The following OR10G8 variants were observed in gnomAD, a reference collection of about 807,000 sequenced individuals.
The protein encoded by OR10G8 is olfactory receptor family 10 subfamily G member 8.
For synonymous variants in OR10G8, 173 were observed against 163.2 expected (o/e 1.06, Z -0.46); for missense variants, 386 against 384.9 (o/e 1.00, Z -0.02).
Position 124,030,213 on chromosome 11 carries a change from C to G in OR10G8, c.591C>G (p.Val197=), listed in dbSNP as rs1469704639. 6.2e-7 allele frequency: 1 copy of G among 1,614,178 alleles called. No individual in the cohort carries two copies. The highest frequency in any genetic ancestry group is 1.7e-5 in the Admixed American group (1 of 60,030). Reference sequence around the variant, plus strand: ...CAGACACCTCAGCCATAGAGACTGTCATTTTTGTGACTGTTGGAATAGTGG... The same window carrying G: ...CAGACACCTCAGCCATAGAGACTGTGATTTTTGTGACTGTTGGAATAGTGG... ...ACADTSAIET[V]IFVTVGIVAS... The change falls in exon 2 of 2, where the codon GTC becomes GTG. Residue 197 remains valine (V), a synonymous_variant. Coordinates refer to ENST00000641224, the MANE Select transcript of OR10G8 (RefSeq NM_001004464.2).
In OR10G8 at chr11:124,029,794, T is replaced by C. The variant is rs1344113844; in HGVS notation, c.172T>C (p.Tyr58His). Residue 58 changes from tyrosine (Y) to histidine (H), a missense_variant, in exon 2 of 2, where the codon TAC becomes CAC. Coordinates refer to ENST00000641224, the MANE Select transcript of OR10G8 (RefSeq NM_001004464.2). The part of the protein sequence containing the change: ...RVDSHLHTTM[Y>H]YFLTNLSFID... ...GGATTCTCACCTCCACACCACCATG[T>C]ACTACTTCCTCACCAACCTGTCGTT... 1 of 1,614,128 alleles carries C rather than the reference T, an allele frequency of 6.2e-7. No individual in the cohort carries two copies. Among genetic ancestry groups the C allele is most frequent in the South Asian group, 1.1e-5 (1 of 91,082 alleles).
chr11:124,027,606 C>T, intron 1 of OR10G8, among the ~76,000 whole-genome samples: 1 of 152,138 alleles, frequency 6.6e-6, no homozygotes, highest in Non-Finnish European at 1.5e-5. Flanking sequence ...GGGAATTGTT[C>T]CTCCTGGTGC....
chr11:124,028,484 G>T lies in OR10G8; in HGVS notation c.-27-1112G>T, dbSNP rs549993983. On this transcript the variant is annotated intron_variant, in intron 1 of 1. Transcript: ENST00000641224. ...AAGACCTAGCTCTTAGATTCAGAAG[G>T]ACTCTCTGAAAACACTGAAAGAATA... Among the ~76,000 whole-genome samples the T allele has an allele frequency of 4.6e-5, 7 of 152,238 alleles. No homozygotes were observed. In the South Asian group the frequency reaches 1.5e-3, roughly 32 times the overall value.
chr11:124,029,901 C>T lies in OR10G8; in HGVS notation c.279C>T (p.Phe93=). ...LVFPSGRAIS[F]HSCMAQLYFF... is the part of the protein sequence containing the mutation. ...TCCCAAGTGGCAGGGCTATCTCCTT[C>T]CACAGCTGCATGGCTCAGCTCTATT... Residue 93 remains phenylalanine (F), a synonymous_variant, in exon 2 of 2, where the codon TTC becomes TTT. Transcript: ENST00000641224. The T allele has an allele frequency of 1.2e-6, 2 of 1,614,174 alleles. No homozygotes were observed. Among genetic ancestry groups the T allele is most frequent in the South Asian group, 2.2e-5 (2 of 91,078 alleles).
chr11:124,027,882 A>G (rs1864120111), intron 1 of OR10G8, among the ~76,000 whole-genome samples: 1 of 152,148 alleles, frequency 6.6e-6, no homozygotes, highest in African/African-American at 2.4e-5. Context: ...TTTTGTATTA[A>G]TATTAATATT....
Position 124,029,970 on chromosome 11 carries a change from C to A in OR10G8, c.348C>A (p.Val116=), listed in dbSNP as rs375057646. ...LGGTECFLYR[V]MSCDRYLAIS... is the part of the protein sequence containing the mutation. ...GCACCGAGTGTTTCCTCTACAGGGT[C>A]ATGTCCTGTGATCGCTACCTGGCCA... The change falls in exon 2 of 2, where the codon GTC becomes GTA. Residue 116 remains valine, a synonymous_variant. Coordinates refer to ENST00000641224, the MANE Select transcript of OR10G8 (RefSeq NM_001004464.2). The A allele has an allele frequency of 6.8e-6, 11 of 1,613,974 alleles. No homozygotes were observed. In the African/African-American group the frequency reaches 1.3e-4, roughly 20 times the overall value.
At position 124,029,792 on chromosome 11, in the gene OR10G8, T is replaced by A. The variant is rs779425005; in HGVS notation, c.170T>A (p.Met57Lys). 1 of 1,614,128 alleles carries A rather than the reference T, an allele frequency of 6.2e-7. No individual in the cohort carries two copies. Among genetic ancestry groups the A allele is most frequent in the East Asian group, 2.2e-5 (1 of 44,868 alleles). ...GTGGATTCTCACCTCCACACCACCA[T>A]GTACTACTTCCTCACCAACCTGTCG... The part of the protein sequence containing the change: ...IRVDSHLHTT[M>K]YYFLTNLSFI... The change falls in exon 2 of 2, where the codon ATG becomes AAG. Residue 57 changes from methionine to lysine, a missense_variant. Coordinates refer to ENST00000641224, the MANE Select transcript of OR10G8 (RefSeq NM_001004464.2).
rs554325908 is a variant in OR10G8, at chr11:124,029,613, G to A, written c.-10G>A. 10 of 1,611,304 alleles carry A rather than the reference G, an allele frequency of 6.2e-6. No homozygotes were observed. Among genetic ancestry groups the A allele is most frequent in the Middle Eastern group, 1.7e-4 (1 of 6,046 alleles). On this transcript the variant is annotated 5_prime_UTR_variant, in exon 2 of 2. It adds an upstream start codon to the 5' untranslated region. Transcript: ENST00000641224. The stretch of plus-strand genomic sequence containing the variant: ...ATTCCCAGAGGGAGAGAGACCAAGG[G>A]TGAGAAGAAATGTCCAACGCCAGCC...
intron 1 of OR10G8, among the ~76,000 whole-genome samples, chr11:124,027,370 T>G (rs12420353): frequency 0.042 from 6,450 of 152,310 alleles, 321 homozygotes; most frequent in East Asian, 0.14. Flanking sequence ...AGATATTCGA[T>G]AATTGTTAAG....
chr11:124,027,161 A>G (rs959075764), intron 1 of OR10G8, among the ~76,000 whole-genome samples: 2 of 152,262 alleles, frequency 1.3e-5, no homozygotes, highest in East Asian at 3.9e-4. Flanking sequence ...TTAACACTGT[A>G]TCTGTTCTTT....
At chr11:124,027,291 A>G (rs1840214) in intron 1 of OR10G8, among the ~76,000 whole-genome samples, 6,445 of 152,304 alleles carry the variant, frequency 0.042, 322 homozygotes, top group East Asian at 0.14. Flanking sequence ...GAGTTCTTAG[A>G]AATGTAGATT....
Position 124,026,867 on chromosome 11 carries a change from G to A in OR10G8, c.-28G>A, listed in dbSNP as rs1864112050. The A allele has an allele frequency of 6.6e-6, 1 of 152,144 alleles. No homozygotes were observed. Among genetic ancestry groups the A allele is most frequent in the South Asian group, 2.1e-4 (1 of 4,828 alleles). The allele number at this position is 152,144 out of a possible 1,614,324, so 9.4% of individuals were successfully genotyped here. A position where few individuals can be genotyped will look rare whatever the true frequency, so the allele number is the denominator to read the frequency against. ...CTCTCAGCCACTGGTGAGAGAAAAGGGTAAGTCAGTTATTCTTTCCTCTAA... is the reference window on the plus strand; with the variant it reads ...CTCTCAGCCACTGGTGAGAGAAAAGAGTAAGTCAGTTATTCTTTCCTCTAA... On this transcript the variant is annotated splice_region_variant and 5_prime_UTR_variant, in exon 1 of 2. Transcript: ENST00000641224.
rs569501405 is a variant in OR10G8, at chr11:124,028,615, C to A, written c.-27-981C>A. Among the ~76,000 whole-genome samples, 14 of 152,248 alleles carry A rather than the reference C, an allele frequency of 9.2e-5. No individual in the cohort carries two copies. The South Asian group carries it at 1.0e-3, about 11-fold the overall frequency. Reference sequence around the variant, plus strand: ...TCATTTATTGAGCAGTTACTACCTGCCAGGCACAGTACTTAGTACTTTATA... The same window carrying A: ...TCATTTATTGAGCAGTTACTACCTGACAGGCACAGTACTTAGTACTTTATA... On this transcript the variant is annotated intron_variant, in intron 1 of 1. Coordinates refer to ENST00000641224, the MANE Select transcript of OR10G8 (RefSeq NM_001004464.2).
At chr11:124,027,163 C>T (rs1479051368) in intron 1 of OR10G8, among the ~76,000 whole-genome samples, 1 of 152,144 alleles carries the variant, frequency 6.6e-6, no homozygotes, top group Non-Finnish European at 1.5e-5. Flanking sequence ...AACACTGTAT[C>T]TGTTCTTTGA....
At chr11:124,027,605 T>C (rs115510868) in intron 1 of OR10G8, among the ~76,000 whole-genome samples, 68 of 152,328 alleles carry the variant, frequency 4.5e-4, no homozygotes, top group African/African-American at 1.6e-3. Flanking sequence ...TGGGAATTGT[T>C]CCTCCTGGTG....
Position 124,029,847 on chromosome 11 carries a change from G to T in OR10G8, c.225G>T (p.Thr75=), listed in dbSNP as rs764368729. The change falls in exon 2 of 2, where the codon ACG becomes ACT. Residue 75 remains threonine (T), a synonymous_variant. Coordinates refer to ENST00000641224, the MANE Select transcript of OR10G8 (RefSeq NM_001004464.2). ...SFIDMWFSTV[T]VPKLLMTLVF... ...TTGACATGTGGTTCTCCACTGTCAC[G>T]GTGCCCAAATTGCTGATGACTTTGG... The T allele has an allele frequency of 1.2e-6, 2 of 1,614,092 alleles. No individual in the cohort carries two copies. The highest frequency in any genetic ancestry group is 1.1e-5 in the South Asian group (1 of 91,076).
chr11:124,029,253 G>A (rs1864132012), intron 1 of OR10G8, among the ~76,000 whole-genome samples: 1 of 152,164 alleles, frequency 6.6e-6, no homozygotes, highest in African/African-American at 2.4e-5. Context: ...ATTAAAACCT[G>A]ATGAGAGCTA....
Position 124,030,414 on chromosome 11 carries a change from G to A in OR10G8, c.792G>A (p.Arg264=), listed in dbSNP as rs760514680. 5 of 1,614,220 alleles carry A rather than the reference G, an allele frequency of 3.1e-6. No homozygotes were observed. The Admixed American group carries it at 8.3e-5, about 27-fold the overall frequency. ...TCATTTACCTGAGGCCAGGCTCCAGGAAAGCTGTGGATGGAGTTGTGGCCG... is the reference window on the plus strand; with the variant it reads ...TCATTTACCTGAGGCCAGGCTCCAGAAAAGCTGTGGATGGAGTTGTGGCCG... The part of the protein sequence containing the change: ...GLFIYLRPGS[R]KAVDGVVAVF... The change falls in exon 2 of 2, where the codon AGG becomes AGA. Residue 264 remains arginine, a synonymous_variant. Coordinates refer to ENST00000641224, the MANE Select transcript of OR10G8 (RefSeq NM_001004464.2).
In OR10G8 at chr11:124,029,798, A is replaced by G; in HGVS notation, c.176A>G (p.Tyr59Cys). The G allele has an allele frequency of 1.2e-6, 2 of 1,613,982 alleles. No individual in the cohort carries two copies. Among genetic ancestry groups the G allele is most frequent in the Non-Finnish European group, 1.7e-6 (2 of 1,180,002 alleles). The part of the protein sequence containing the change: ...VDSHLHTTMY[Y>C]FLTNLSFIDM... ...TCTCACCTCCACACCACCATGTACT[A>G]CTTCCTCACCAACCTGTCGTTCATT... is the stretch of plus-strand genomic sequence containing the variant. Residue 59 changes from tyrosine to cysteine, a missense_variant, in exon 2 of 2, where the codon TAC becomes TGC. Physicochemically the swap from Tyr to Cys is radical, Grantham distance 194. Coordinates refer to ENST00000641224, the MANE Select transcript of OR10G8 (RefSeq NM_001004464.2).
Sources: gnomAD v4.1 joint callset for allele counts (sites outside exome capture counted in the v4.1 genomes callset) on GRCh38, gnomAD v4.1.1 for gene constraint, MANE v1.5 for transcripts, NCBI Gene and HGNC (gene_info 2026-07-23, HGNC 2026-07-21) for gene names.